The following BCAS3 variants were observed in gnomAD, a reference collection of about 807,000 sequenced individuals.
BCAS3 encodes the protein BCAS4/BCAS3 fusion.
BCAS3 carries 53 observed loss-of-function variants against 116.1 expected under a neutral mutation model. That is an observed-to-expected ratio of 0.46 (90% CI 0.37 to 0.57). BCAS3 has a LOEUF of 0.57. Ranked by LOEUF, BCAS3 falls within the 20% of genes least tolerant of loss-of-function variation. The pLI is 0.00. For synonymous variants in BCAS3, 391 were observed against 408.2 expected (o/e 0.96, Z 0.51); for missense variants, 917 against 1,165.4 (o/e 0.79, Z 3.10).
chr17:60,958,666 GT>G (rs922985650), intron 14 of BCAS3, among the ~76,000 whole-genome samples: 1 of 152,124 alleles, frequency 6.6e-6, no homozygotes, highest in African/African-American at 2.4e-5. Flanking sequence ...TCCCAGCAGG[GT>G]TTTCTTTTGG....
chr17:60,894,814 A>C (rs996539938), intron 10 of BCAS3, among the ~76,000 whole-genome samples: 1 of 152,162 alleles, frequency 6.6e-6, no homozygotes, highest in Non-Finnish European at 1.5e-5. Flanking sequence ...TCTTGTATCT[A>C]TTGAGATGAT....
At chr17:60,913,703 C>T (rs919151760) in intron 12 of BCAS3, among the ~76,000 whole-genome samples, 6 of 151,934 alleles carry the variant, frequency 3.9e-5, no homozygotes, top group Non-Finnish European at 7.4e-5. Flanking sequence ...TGTTTAAATC[C>T]CTTGAGCCTT....
Position 61,232,832 on chromosome 17 carries a change from C to A in BCAS3, c.2426-135495C>A, listed in dbSNP as rs553741503. ...TTTCTTTGTCTATTTCAATTATTTT[C>A]TTTATGTTAACTATTTTCTTTTTAG... On this transcript the variant is annotated intron_variant, in intron 22 of 23. Coordinates refer to ENST00000407086, the MANE Select transcript of BCAS3 (RefSeq NM_017679.5). Among the ~76,000 whole-genome samples the A allele has an allele frequency of 4.6e-5, 7 of 152,204 alleles. No homozygotes were observed. In the East Asian group the frequency reaches 1.4e-3, roughly 29 times the overall value.
chr17:61,034,550 C>A lies in BCAS3; in HGVS notation c.1638-116C>A. The A allele has an allele frequency of 1.1e-6, 1 of 888,674 alleles. No homozygotes were observed. Among genetic ancestry groups the A allele is most frequent in the Non-Finnish European group, 1.7e-6 (1 of 606,014 alleles). 55.0% of individuals were successfully genotyped at this position (888,674 alleles called of 1,614,324 possible). ...ACCATTTATTACTTAAGGCAAAATG[C>A]ATGTTCATACTGGAGGATTTGAATA... is the stretch of plus-strand genomic sequence containing the variant. On this transcript the variant is annotated intron_variant, in intron 16 of 23. Coordinates refer to ENST00000407086, the MANE Select transcript of BCAS3 (RefSeq NM_017679.5). The surrounding 1 kb of genome is among the most constrained non-coding windows in gnomAD (Gnocchi z 5.0).
chr17:61,268,017 GA>G (rs2049904212), intron 22 of BCAS3, among the ~76,000 whole-genome samples: 1 of 152,056 alleles, frequency 6.6e-6, no homozygotes, highest in Non-Finnish European at 1.5e-5. Context: ...GGTGCCTAGA[GA>G]GAAACTGTTA....
At chr17:61,374,481 T>G (rs558298281) in intron 23 of BCAS3, among the ~76,000 whole-genome samples, 1 of 152,340 alleles carries the variant, frequency 6.6e-6, no homozygotes, top group African/African-American at 2.4e-5. Context: ...TGCTGTTGAC[T>G]CTTAAGTGCT....
intron 23 of BCAS3, among the ~76,000 whole-genome samples, chr17:61,375,846 T>A (rs1213302594): frequency 6.6e-6 from 1 of 152,206 alleles, no homozygotes; most frequent in Non-Finnish European, 1.5e-5. Flanking sequence ...GTGCTGGGAT[T>A]ACATGCATGA....
rs1433533377 is a variant in BCAS3, at chr17:61,259,191, GTAGT to G, written c.2426-109131_2426-109128del. Among the ~76,000 whole-genome samples, 1 of 152,210 alleles carries G rather than the reference GTAGT, an allele frequency of 6.6e-6. No individual in the cohort carries two copies. The highest frequency in any genetic ancestry group is 2.4e-5 in the African/African-American group (1 of 41,462). On this transcript the variant is annotated intron_variant, in intron 22 of 23. Transcript: ENST00000407086. This position sits in a 1 kb window ranked among gnomAD's most constrained non-coding sequence, Gnocchi z 4.7. ...GTACTTGGTAGCTGCTTAGTAAACAGTAGTTAGTATCATCATTACTTGTATTTAC... is the reference window on the plus strand; with the variant it reads ...GTACTTGGTAGCTGCTTAGTAAACAGTAGTATCATCATTACTTGTATTTAC...
At chr17:60,721,685 A>AT (rs1433771268) in intron 5 of BCAS3, among the ~76,000 whole-genome samples, 2 of 152,040 alleles carry the variant, frequency 1.3e-5, no homozygotes, top group East Asian at 1.9e-4. Flanking sequence ...GTGGAATGCA[A>AT]TTTTTTTCTG....
At chr17:60,853,689 T>C (rs2053388698) in intron 7 of BCAS3, among the ~76,000 whole-genome samples, 1 of 152,180 alleles carries the variant, frequency 6.6e-6, no homozygotes, top group South Asian at 2.1e-4. Flanking sequence ...AGGCCATAAG[T>C]GGTCAATTGA....
rs12601368 is a variant in BCAS3, at chr17:61,219,907, G to T, written c.2425+135343G>T. Among the ~76,000 whole-genome samples the T allele has an allele frequency of 1.3e-5, 2 of 152,120 alleles. No homozygotes were observed. The highest frequency in any genetic ancestry group is 2.9e-5 in the Non-Finnish European group (2 of 68,026). On this transcript the variant is annotated intron_variant, in intron 22 of 23. Coordinates refer to ENST00000407086, the MANE Select transcript of BCAS3 (RefSeq NM_017679.5). The surrounding 1 kb of genome is among the most constrained non-coding windows in gnomAD (Gnocchi z 5.2). ...GGGTAGGAAAAACAAGGCAGGTTAT[G>T]GGGGGAGAGGAGTAGGGCAAGAAAG... is the stretch of plus-strand genomic sequence containing the variant.
chr17:61,182,366 A>C (rs1301152048), intron 22 of BCAS3, among the ~76,000 whole-genome samples: 1 of 152,044 alleles, frequency 6.6e-6, no homozygotes, highest in Non-Finnish European at 1.5e-5. Flanking sequence ...AAAAATTTTA[A>C]ACATAGGCAG....
chr17:61,195,871 G>T (rs1163562505), intron 22 of BCAS3, among the ~76,000 whole-genome samples: 1 of 152,208 alleles, frequency 6.6e-6, no homozygotes, highest in Non-Finnish European at 1.5e-5. Context: ...CATAAAGAAT[G>T]ATCTGACTGG....
At chr17:60,943,712 A>G (rs1290437704) in intron 13 of BCAS3, among the ~76,000 whole-genome samples, 3 of 152,112 alleles carry the variant, frequency 2.0e-5, no homozygotes, top group African/African-American at 4.8e-5. Context: ...TTTCTAGAAT[A>G]TATTCTAGGT....
In BCAS3 at chr17:61,078,946, G is replaced by A. The variant is rs1424935835; in HGVS notation, c.2327+417G>A. On this transcript the variant is annotated intron_variant, in intron 21 of 23. Transcript: ENST00000407086. ...TTCTTTTAGATTATATAAAGTTTTT[G>A]GATGGAAAAACGTTGGTATAAATTC... Among the ~76,000 whole-genome samples the A allele has an allele frequency of 3.3e-5, 5 of 151,872 alleles. No homozygotes were observed. The South Asian group carries it at 8.4e-4, about 25-fold the overall frequency.
intron 7 of BCAS3, among the ~76,000 whole-genome samples, chr17:60,850,445 G>GCCT (rs1351028300): frequency 7.5e-6 from 1 of 133,392 alleles, no homozygotes; most frequent in Non-Finnish European, 1.5e-5. Context: ...TGCAACCTCT[G>GCCT]CCTCCTCAGT....
intron 7 of BCAS3, among the ~76,000 whole-genome samples, chr17:60,821,964 ATAT>A (rs2050006232): frequency 6.6e-6 from 1 of 152,156 alleles, no homozygotes. Flanking sequence ...TTATTGTGAA[ATAT>A]TATTATATTG....
At chr17:60,855,452 A>C (rs1439256774) in intron 7 of BCAS3, among the ~76,000 whole-genome samples, 1 of 125,754 alleles carries the variant, frequency 8.0e-6, no homozygotes, top group Non-Finnish European at 1.7e-5. Flanking sequence ...CTATTTTTAA[A>C]TTTTTTTTTT....
In BCAS3 at chr17:61,029,192, C is replaced by T. The variant is rs939967997; in HGVS notation, c.1638-5474C>T. On this transcript the variant is annotated intron_variant, in intron 16 of 23. Transcript: ENST00000407086. This position sits in a 1 kb window ranked among gnomAD's most constrained non-coding sequence, Gnocchi z 5.2. ...TTTTCTACAAACTTTTTATTAGTTT[C>T]GAGTTGCAACGTTAACACTTAGCTA... is the stretch of plus-strand genomic sequence containing the variant. 1.3e-5 allele frequency among the ~76,000 whole-genome samples: 2 copies of T among 151,904 alleles called. No homozygotes were observed. Among genetic ancestry groups the T allele is most frequent in the Admixed American group, 1.3e-4 (2 of 15,252 alleles).
Sources: allele counts gnomAD v4.1 joint callset (sites outside exome capture counted in the v4.1 genomes callset), GRCh38; gene constraint gnomAD v4.1.1; non-coding constraint Gnocchi (gnomAD v3.1); transcripts MANE v1.5; gene names NCBI Gene and HGNC (gene_info 2026-07-23, HGNC 2026-07-21).